Variants in NFASC observed in about 807,000 individuals in gnomAD.
NFASC encodes the protein neurofascin.
NFASC carries 43 observed loss-of-function variants against 147.5 expected under a neutral mutation model. The ratio of observed to expected loss-of-function variants is 0.29; its 90% CI spans 0.23 to 0.38. The LOEUF is 0.38. NFASC is among the 10% of genes least tolerant of loss of function. The probability of loss-of-function intolerance (pLI) is 1.00; values close to 1 mark genes in which losing one functional copy is unlikely to be tolerated. For synonymous variants in NFASC, 622 were observed against 665.5 expected (o/e 0.93, Z 1.01); for missense variants, 1,320 against 1,689.0 (o/e 0.78, Z 3.83).
At chr1:204,977,462 G>T (rs2095430313) in intron 16 of NFASC, among the ~76,000 whole-genome samples, 1 of 152,196 alleles carries the variant, frequency 6.6e-6, no homozygotes, top group Non-Finnish European at 1.5e-5. Context: ...GTCACATTGG[G>T]ATGGTAAGGA....
Position 204,962,251 on chromosome 1 carries a change from G to A in NFASC, c.706+4425G>A. 2.7e-6 allele frequency: 3 copies of A among 1,119,480 alleles called. 1 individual carries two copies. The highest frequency in any genetic ancestry group is 2.6e-5 in the South Asian group (2 of 75,864). 69.3% of individuals were successfully genotyped at this position (1,119,480 alleles called of 1,614,324 possible). On this transcript the variant is annotated intron_variant, in intron 8 of 29. Transcript: ENST00000339876. ...ATACCACGTCATTAACTCCTGCTGG[G>A]TGGCAGCTGGCCCAGCCAGGGTGCC... is the stretch of plus-strand genomic sequence containing the variant.
At chr1:204,932,000 C>T (rs556098740) in intron 2 of NFASC, among the ~76,000 whole-genome samples, 2 of 152,146 alleles carry the variant, frequency 1.3e-5, no homozygotes, top group South Asian at 2.1e-4. Context: ...TGAAGTGAAG[C>T]GGGAGAGGAG....
At chr1:204,880,873 T>C (rs1478537758) in intron 1 of NFASC, among the ~76,000 whole-genome samples, 3 of 152,124 alleles carry the variant, frequency 2.0e-5, no homozygotes, top group African/African-American at 4.8e-5. Flanking sequence ...TCATGTCCAT[T>C]TGCACCTTGC....
rs940583876 is a variant in NFASC at position 204,986,215 on chromosome 1, G to C, written c.2471-1203G>C. ...CGTGGCTCAGCATGGATGGCACAAG[G>C]TGACTTCTGCGAGGCCTCCAGGAGC... On this transcript the variant is annotated intron_variant, in intron 21 of 29. Coordinates refer to ENST00000339876, the MANE Select transcript of NFASC (RefSeq NM_001005388.3). This position sits in a 1 kb window ranked among gnomAD's most constrained non-coding sequence, Gnocchi z 4.2. 5.8e-6 allele frequency: 5 copies of C among 856,494 alleles called. No homozygotes were observed. The African/African-American group carries it at 8.3e-5, about 14-fold the overall frequency. The allele number at this position is 856,494 out of a possible 1,614,324, so 53.1% of individuals were successfully genotyped here.
At chr1:204,915,569 G>A (rs1242369111) in intron 1 of NFASC, among the ~76,000 whole-genome samples, 1 of 152,138 alleles carries the variant, frequency 6.6e-6, no homozygotes, top group Non-Finnish European at 1.5e-5. Context: ...AAAGTATACT[G>A]TATATAGTTT....
At chr1:204,980,487 G>A in intron 20 of NFASC, 47 bp downstream of exon 20, 3 of 1,408,358 alleles carry the variant, frequency 2.1e-6, no homozygotes, top group Non-Finnish European at 3.0e-6. Context: ...CTTGCCGCAT[G>A]CACCGGGAGC....
chr1:205,009,563 C>A lies in NFASC; in HGVS notation c.3296C>A (p.Thr1099Asn), dbSNP rs747140488. ...TTCCGGCCCTCCCCGCCAGCTTACA[C>A]CAACAACCAAGCGGACATCGCCACC... ...VITFMTSTAY[T>N]NNQADIATQG... Residue 1099 changes from threonine (T) to asparagine (N), a missense_variant, in exon 28 of 30, where the codon ACC (threonine) becomes AAC (asparagine). By Grantham distance (65) the Thr-to-Asn change is moderately conservative. Around this residue, in one of 3 missense-constraint regions of NFASC, gnomAD observed 167 missense variants for 233.8 expected, o/e 0.71. Coordinates refer to ENST00000339876, the MANE Select transcript of NFASC (RefSeq NM_001005388.3). The A allele has an allele frequency of 6.2e-6, 10 of 1,614,136 alleles. No individual in the cohort carries two copies. In the East Asian group the frequency reaches 2.2e-4, roughly 36 times the overall value.
chr1:204,920,080 G>C (rs1456468602), intron 1 of NFASC, among the ~76,000 whole-genome samples: 1 of 152,180 alleles, frequency 6.6e-6, no homozygotes, highest in East Asian at 1.9e-4. Context: ...TTAAGAAATT[G>C]AGTCACACAT....
At chr1:204,852,361 G>A (rs541281783) in intron 1 of NFASC, among the ~76,000 whole-genome samples, 30 of 152,284 alleles carry the variant, frequency 2.0e-4, no homozygotes, top group Non-Finnish European at 1.6e-4. Context: ...TTAGCTGAGC[G>A]TGGTGGCATG....
At chr1:204,980,345 G>A in intron 19 of NFASC, 25 bp from the exon 20 acceptor site, 1 of 1,606,456 alleles carries the variant, frequency 6.2e-7, no homozygotes, top group Non-Finnish European at 8.5e-7. Flanking sequence ...AATTGGACTT[G>A]AGCCTGTGTC....
chr1:204,985,430 G>C (rs2095597148), intron 21 of NFASC, among the ~76,000 whole-genome samples: 1 of 152,140 alleles, frequency 6.6e-6, no homozygotes, highest in South Asian at 2.1e-4. Context: ...CAGACTTCCG[G>C]GGGTAACTTG....
intron 29 of NFASC, 23 bp downstream of exon 29, chr1:205,012,889 T>TCTCAGGCAGGCTGTCCTCC: frequency 6.3e-7 from 1 of 1,580,968 alleles, no homozygotes; most frequent in Non-Finnish European, 8.7e-7. Flanking sequence ...CCTCCTCCTC[T>TCTCAGGCAGGCTGTCCTCC]CTCAGGCAGG....
intron 1 of NFASC, among the ~76,000 whole-genome samples, chr1:204,906,906 A>G (rs959457771): frequency 6.6e-6 from 1 of 151,996 alleles, no homozygotes; most frequent in African/African-American, 2.4e-5. Flanking sequence ...GATGGTCTGC[A>G]TCTCCTGACC....
intron 2 of NFASC, among the ~76,000 whole-genome samples, chr1:204,926,446 C>A: frequency 8.1e-6 from 1 of 122,850 alleles, no homozygotes; most frequent in Non-Finnish European, 1.6e-5. Context: ...GAGAGGGTCT[C>A]ACTGTTGTTC....
At chr1:204,908,860 C>T in intron 1 of NFASC, among the ~76,000 whole-genome samples, 1 of 152,130 alleles carries the variant, frequency 6.6e-6, no homozygotes, top group Non-Finnish European at 1.5e-5. Flanking sequence ...TTTCATTCAG[C>T]ATAATTCTCT....
intron 1 of NFASC, among the ~76,000 whole-genome samples, chr1:204,895,032 A>G (rs1435660543): frequency 6.6e-6 from 1 of 152,142 alleles, no homozygotes; most frequent in Non-Finnish European, 1.5e-5. Context: ...GAATCTTTTT[A>G]CTGCTGGAAT....
chr1:204,921,035 A>G (rs1440143571), intron 2 of NFASC, among the ~76,000 whole-genome samples: 1 of 152,146 alleles, frequency 6.6e-6, no homozygotes, highest in Non-Finnish European at 1.5e-5. Context: ...TAATTGAAAA[A>G]TTGGGAAACA....
At chr1:204,988,466 C>T (rs1300453020) in intron 22 of NFASC, among the ~76,000 whole-genome samples, 167 bp from the exon 23 acceptor site, 1 of 152,246 alleles carries the variant, frequency 6.6e-6, no homozygotes, top group Admixed American at 6.5e-5. Flanking sequence ...GGAGGGAGTT[C>T]TTGCCGAGTG....
chr1:204,941,135 C>T (rs749288281), intron 2 of NFASC, among the ~76,000 whole-genome samples: 10 of 152,166 alleles, frequency 6.6e-5, no homozygotes, highest in Non-Finnish European at 1.0e-4. Context: ...CTTTTTCTAC[C>T]TTTGCCACTA....
Sources: allele counts gnomAD v4.1 joint callset (sites outside exome capture counted in the v4.1 genomes callset), GRCh38; gene constraint gnomAD v4.1.1; regional missense constraint gnomAD v4.1.1; non-coding constraint Gnocchi (gnomAD v3.1); transcripts MANE v1.5; gene names NCBI Gene and HGNC (gene_info 2026-07-23, HGNC 2026-07-21).